FARS2: variants seen among roughly 807,000 people sequenced by gnomAD.
The protein encoded by FARS2 is phenylalanyl-tRNA synthetase 2, mitochondrial.
A neutral mutation model predicts 46.4 loss-of-function variants in FARS2; 40 were observed. The ratio of observed to expected loss-of-function variants is 0.86; its 90% CI spans 0.67 to 1.12. The LOEUF (loss-of-function observed/expected upper bound fraction) is 1.12, where lower values mean the gene tolerates loss of function less well. Ranked by LOEUF, FARS2 falls within the 50% of genes most tolerant of loss-of-function variation. FARS2 has a pLI of 0.00. For synonymous variants in FARS2, 234 were observed against 214.9 expected, an observed-to-expected ratio of 1.09 and a Z score of -0.78; for missense variants, 513 against 567.9, an observed-to-expected ratio of 0.90 and a Z score of 0.98.
chr6:5,478,999 C>G (rs1766285667), intron 4 of FARS2, among the ~76,000 whole-genome samples: 1 of 152,196 alleles, frequency 6.6e-6, no homozygotes, highest in Admixed American at 6.5e-5. Flanking sequence ...CATATATTCA[C>G]ATTTATTTTA....
At chr6:5,725,944 A>C (rs1201902234) in intron 6 of FARS2, among the ~76,000 whole-genome samples, 1 of 152,114 alleles carries the variant, frequency 6.6e-6, no homozygotes, top group African/African-American at 2.4e-5. Context: ...CTAAATAAAT[A>C]AATAAGGGTA....
At chr6:5,646,790 A>C (rs1413267284) in intron 6 of FARS2, among the ~76,000 whole-genome samples, 2 of 152,238 alleles carry the variant, frequency 1.3e-5, no homozygotes, top group African/African-American at 4.8e-5. Flanking sequence ...TGTTTAGGGA[A>C]TAATGTCAAG....
At chr6:5,386,033 T>G (rs1458846813) in intron 2 of FARS2, among the ~76,000 whole-genome samples, 1 of 152,146 alleles carries the variant, frequency 6.6e-6, no homozygotes, top group Non-Finnish European at 1.5e-5. Context: ...TGACTAAGTG[T>G]TGTTCCTATA....
chr6:5,620,016 G>T lies in FARS2; in HGVS notation c.1217+6696G>T, dbSNP rs151071402. Among the ~76,000 whole-genome samples, 942 of 152,084 alleles carry T rather than the reference G, an allele frequency of 6.2e-3. 7 individuals are homozygous for T. The highest frequency in any genetic ancestry group is 0.022 in the African/African-American group (902 of 41,468). Reference sequence around the variant, plus strand: ...TATGTGCGCATCAGACGAGTTTTCGGCCCTTACATAGAGAAGTTGGTATAT... The same window carrying T: ...TATGTGCGCATCAGACGAGTTTTCGTCCCTTACATAGAGAAGTTGGTATAT... On this transcript the variant is annotated intron_variant, in intron 6 of 6. Coordinates refer to ENST00000274680, the MANE Select transcript of FARS2 (RefSeq NM_006567.5).
intron 1 of FARS2, among the ~76,000 whole-genome samples, chr6:5,325,039 C>A: frequency 6.6e-6 from 1 of 152,052 alleles, no homozygotes; most frequent in Non-Finnish European, 1.5e-5. Flanking sequence ...CACCATTTAT[C>A]AAAAAAGGCT....
intron 1 of FARS2, among the ~76,000 whole-genome samples, chr6:5,277,255 A>G (rs1424221117): frequency 6.7e-6 from 1 of 150,346 alleles, no homozygotes; most frequent in Admixed American, 6.6e-5. Flanking sequence ...TGTCACATGT[A>G]GATATTTGAC....
At chr6:5,675,598 A>G (rs182782324) in intron 6 of FARS2, among the ~76,000 whole-genome samples, 8 of 152,308 alleles carry the variant, frequency 5.3e-5, no homozygotes, top group African/African-American at 1.9e-4. Context: ...TAAGAACATC[A>G]CCAAGTAATT....
intron 4 of FARS2, among the ~76,000 whole-genome samples, chr6:5,457,612 T>G (rs1235691398): frequency 2.0e-5 from 3 of 152,334 alleles, no homozygotes; most frequent in Non-Finnish European, 4.4e-5. Context: ...TGTGTTTTAT[T>G]TATTTTTTAA....
upstream of FARS2, among the ~76,000 whole-genome samples, chr6:5,257,543 G>C (rs979628446): frequency 6.6e-6 from 1 of 152,196 alleles, no homozygotes; most frequent in African/African-American, 2.4e-5. Flanking sequence ...CAACCCATCA[G>C]TACTGGTCCG....
intron 6 of FARS2, among the ~76,000 whole-genome samples, chr6:5,695,459 A>G (rs1758042253): frequency 6.6e-6 from 1 of 152,274 alleles, no homozygotes; most frequent in Non-Finnish European, 1.5e-5. Flanking sequence ...TTAAAATCTC[A>G]GGGAAGTAAA....
intron 4 of FARS2, among the ~76,000 whole-genome samples, chr6:5,470,506 T>C (rs1765751672): frequency 6.6e-6 from 1 of 152,216 alleles, no homozygotes; most frequent in African/African-American, 2.4e-5. Context: ...GATGTATACA[T>C]GTTAAGTATC....
At chr6:5,584,578 A>G (rs1285626295) in intron 5 of FARS2, among the ~76,000 whole-genome samples, 2 of 151,398 alleles carry the variant, frequency 1.3e-5, no homozygotes, top group Non-Finnish European at 2.9e-5. Flanking sequence ...GTGCCTGTGC[A>G]TGTGTGTATG....
chr6:5,371,128 G>A (rs1421010055), intron 2 of FARS2: 4 of 915,800 alleles, frequency 4.4e-6, no homozygotes, highest in African/African-American at 1.8e-5. Flanking sequence ...TCCTTTCTAC[G>A]TGGGACCTGC....
At chr6:5,303,217 A>T (rs1768446615) in intron 1 of FARS2, among the ~76,000 whole-genome samples, 2 of 151,978 alleles carry the variant, frequency 1.3e-5, no homozygotes, top group Admixed American at 1.3e-4. Flanking sequence ...CTCAGTGGGG[A>T]AGTGAAGGTA....
intron 1 of FARS2, among the ~76,000 whole-genome samples, chr6:5,363,058 C>T (rs2127630482): frequency 6.6e-6 from 1 of 151,740 alleles, no homozygotes; most frequent in South Asian, 2.1e-4. Flanking sequence ...TCCCAAGTAG[C>T]TGGGACTACA....
chr6:5,406,963 G>T (rs1028791994), intron 3 of FARS2, among the ~76,000 whole-genome samples: 1 of 147,490 alleles, frequency 6.8e-6, no homozygotes, highest in Non-Finnish European at 1.5e-5. Context: ...TACACATTTG[G>T]CATTTATAAA....
At position 5,520,063 on chromosome 6, in the gene FARS2, CAGGGGAGGTGGACAAT is replaced by C. The variant is rs1190973489; in HGVS notation, c.905-25114_905-25099del. On this transcript the variant is annotated intron_variant, in intron 4 of 6. Transcript: ENST00000274680. ...CAATGCTGTGCTCTTAGCACTTTTT[CAGGGGAGGTGGACAAT>C]AGTACCCTCTCTTGGCCTGGAACTA... 9.3e-4 allele frequency among the ~76,000 whole-genome samples: 142 copies of C among 152,252 alleles called. 1 individual carries two copies. Among genetic ancestry groups the C allele is most frequent in the African/African-American group, 3.3e-3 (136 of 41,532 alleles).
intron 5 of FARS2, among the ~76,000 whole-genome samples, chr6:5,597,795 C>A (rs947429761): frequency 2.0e-5 from 3 of 152,176 alleles, no homozygotes; most frequent in Admixed American, 6.5e-5. Context: ...TTTTTAAAAA[C>A]ATACAAATGC....
At position 5,727,002 on chromosome 6, in the gene FARS2, C is replaced by A. The variant is rs1760309022; in HGVS notation, c.1218-44289C>A. Among the ~76,000 whole-genome samples, 1 of 152,244 alleles carries A rather than the reference C, an allele frequency of 6.6e-6. No individual in the cohort carries two copies. The highest frequency in any genetic ancestry group is 6.5e-5 in the Admixed American group (1 of 15,286). ...GTTCAAATACCTTCGTGACCGCTGTCAACTGCAAATGGTATGGCCTTGGGT... is the reference window on the plus strand; with the variant it reads ...GTTCAAATACCTTCGTGACCGCTGTAAACTGCAAATGGTATGGCCTTGGGT... On this transcript the variant is annotated intron_variant, in intron 6 of 6. Transcript: ENST00000274680. The surrounding 1 kb of genome is among the most constrained non-coding windows in gnomAD (Gnocchi z 4.1).
Sources: allele counts gnomAD v4.1 joint callset (sites outside exome capture counted in the v4.1 genomes callset), GRCh38; gene constraint gnomAD v4.1.1; non-coding constraint Gnocchi (gnomAD v3.1); transcripts MANE v1.5; gene names NCBI Gene and HGNC (gene_info 2026-07-23, HGNC 2026-07-21).